Variants in TLE3 observed in about 807,000 individuals in gnomAD.
The protein encoded by TLE3 is TLE family member 3, transcriptional corepressor.
A neutral mutation model predicts 93.0 loss-of-function variants in TLE3; 14 were observed. The ratio of observed to expected loss-of-function variants is 0.15; its 90% CI spans 0.10 to 0.24. TLE3 has a LOEUF of 0.24. TLE3 is among the 10% of genes least tolerant of loss of function. The pLI, the probability that TLE3 is intolerant of heterozygous loss-of-function variation, is 1.00. For missense variants in TLE3, 693 were observed against 1,046.6 expected, an observed-to-expected ratio of 0.66 and a Z score of 4.66; for synonymous variants, 451 against 425.0, an observed-to-expected ratio of 1.06 and a Z score of -0.75.
chr15:70,064,309 AC>A (rs1345156724), intron 8 of TLE3, 144 bp downstream of exon 8: 5 of 941,204 alleles, frequency 5.3e-6, no homozygotes, highest in Non-Finnish European at 8.1e-6. Flanking sequence ...ATCCCTAGTT[AC>A]AACCCACAGA....
intron 8 of TLE3, 102 bp from the exon 9 acceptor site, chr15:70,060,751 G>A (rs745568362): frequency 2.6e-6 from 4 of 1,556,944 alleles, no homozygotes; most frequent in South Asian, 1.1e-5. Flanking sequence ...GTCAGGGGAG[G>A]GAAGAGAAGC....
chr15:70,054,542 G>A lies in TLE3; in HGVS notation c.1722C>T (p.Pro574=), dbSNP rs371689929. The change falls in exon 16 of 20, where the codon CCC becomes CCT. Residue 574 remains proline, a synonymous_variant. Coordinates refer to ENST00000451782, the MANE Select transcript of TLE3 (RefSeq NM_001105192.3). Reference sequence around the variant, plus strand: ...GGCTAATGGCCAGGGCATAACAGGCGGGAGCCGAGGACGTCAGCTCGGCCT... The same window carrying A: ...GGCTAATGGCCAGGGCATAACAGGCAGGAGCCGAGGACGTCAGCTCGGCCT... The part of the protein sequence containing the change: ...RIKAELTSSA[P]ACYALAISPD... The A allele has an allele frequency of 3.1e-4, 508 of 1,614,046 alleles. No homozygotes were observed. The highest frequency in any genetic ancestry group is 4.9e-4 in the Middle Eastern group (3 of 6,062).
At chr15:70,073,985 TC>T (rs945229261) in intron 6 of TLE3, among the ~76,000 whole-genome samples, 1 of 152,200 alleles carries the variant, frequency 6.6e-6, no homozygotes, top group African/African-American at 2.4e-5. Flanking sequence ...CAGTCTCAGC[TC>T]CCCAGCTGGA....
At chr15:70,060,827 C>T in intron 8 of TLE3, 178 bp from the exon 9 acceptor site, 2 of 1,025,922 alleles carry the variant, frequency 1.9e-6, no homozygotes, top group East Asian at 3.0e-5. Flanking sequence ...CTTCCCCACT[C>T]CCCTGAGACT....
At chr15:70,073,859 A>G (rs1029687926) in intron 6 of TLE3, among the ~76,000 whole-genome samples, 1 of 152,262 alleles carries the variant, frequency 6.6e-6, no homozygotes, top group African/African-American at 2.4e-5. Context: ...CAAGCCAGGT[A>G]GACCCAGCTT....
Position 70,058,649 on chromosome 15 carries a change from C to T in TLE3, c.918+14G>A. ...CGCTCCCTTCCCACTCCCTTCCACCCAGACCCCACATACATGACCAAGGTC... is the reference window on the plus strand; with the variant it reads ...CGCTCCCTTCCCACTCCCTTCCACCTAGACCCCACATACATGACCAAGGTC... On this transcript the variant is annotated intron_variant, in intron 11 of 19. Coordinates refer to ENST00000451782, the MANE Select transcript of TLE3 (RefSeq NM_001105192.3). The surrounding 1 kb of genome is among the most constrained non-coding windows in gnomAD (Gnocchi z 4.1). 5 of 1,578,714 alleles carry T rather than the reference C, an allele frequency of 3.2e-6. No individual in the cohort carries two copies. The highest frequency in any genetic ancestry group is 3.4e-6 in the Non-Finnish European group (4 of 1,161,462).
Position 70,058,974 on chromosome 15 carries a change from T to A in TLE3, c.766-159A>T, listed in dbSNP as rs1395015713. ...GTGAGGAAAAACTAGCTCTTAACCA[T>A]CTGGTCTGACTGAGGCCTAGGGAGG... is the stretch of plus-strand genomic sequence containing the variant. On this transcript the variant is annotated intron_variant, in intron 10 of 19. Coordinates refer to ENST00000451782, the MANE Select transcript of TLE3 (RefSeq NM_001105192.3). The surrounding 1 kb of genome is among the most constrained non-coding windows in gnomAD (Gnocchi z 4.1). Among the ~76,000 whole-genome samples the A allele has an allele frequency of 1.3e-5, 2 of 152,100 alleles. No individual in the cohort carries two copies. The highest frequency in any genetic ancestry group is 2.4e-5 in the African/African-American group (1 of 41,404).
chr15:70,064,601 A>T, intron 7 of TLE3, 131 bp from the exon 8 acceptor site: 1 of 1,254,114 alleles, frequency 8.0e-7, no homozygotes, highest in Non-Finnish European at 1.1e-6. Context: ...TTTTAAAATG[A>T]GCAGAAGGCC....
intron 5 of TLE3, 21 bp from the exon 6 acceptor site, chr15:70,074,628 G>A (rs370419018): frequency 4.1e-5 from 65 of 1,594,160 alleles, no homozygotes; most frequent in African/African-American, 2.1e-4. Flanking sequence ...GAGGGTGTGC[G>A]TTAGATGCAG....
chr15:70,079,425 A>ACCAGG (rs1489831340), intron 4 of TLE3: 3 of 439,174 alleles, frequency 6.8e-6, no homozygotes, highest in South Asian at 3.3e-5. Flanking sequence ...GTTCACCGTA[A>ACCAGG]AAGTTCTCCC....
In TLE3 at chr15:70,055,163, G is replaced by C. The variant is rs747498036; in HGVS notation, c.1464C>G (p.Ala488=). ...GCCTCGTGGGGTTGCTGATGGTCAC[G>C]GCACACACCACCTCCCCGTGGCTGA... ...NTLSHGEVVC[A]VTISNPTRHV... The change falls in exon 15 of 20, where the codon GCC becomes GCG. Residue 488 remains alanine (A), a synonymous_variant. Coordinates refer to ENST00000451782, the MANE Select transcript of TLE3 (RefSeq NM_001105192.3). 2.4e-5 allele frequency: 39 copies of C among 1,614,172 alleles called. No homozygotes were observed. Among genetic ancestry groups the C allele is most frequent in the Non-Finnish European group, 3.3e-5 (39 of 1,180,016 alleles).
chr15:70,057,500 C>A lies in TLE3; in HGVS notation c.1210G>T (p.Ala404Ser), dbSNP rs757805400. ...PQMSAAAAAA[A>S]AAYGRSPMVS... ...ATTGGCGATCGGCCATAGGCAGCGG[C>A]TGCAGCAGCGGCGGCGGCGCTCATC... Residue 404 changes from alanine to serine, a missense_variant, in exon 13 of 20, where the codon GCC (alanine) becomes TCC (serine). By Grantham distance (99) the Ala-to-Ser change is moderately conservative. Around this residue, in one of 4 missense-constraint regions of TLE3, gnomAD observed 405 missense variants for 468.9 expected, o/e 0.86. Transcript: ENST00000451782. 8.7e-6 allele frequency: 14 copies of A among 1,608,976 alleles called. No homozygotes were observed. The East Asian group carries it at 2.9e-4, about 33-fold the overall frequency.
intron 12 of TLE3, 62 bp from the exon 13 acceptor site, chr15:70,057,720 C>T: frequency 1.3e-6 from 2 of 1,525,192 alleles, no homozygotes; most frequent in Admixed American, 2.0e-5. Context: ...CCATGGCCGC[C>T]TCACCCAGCA....
chr15:70,089,140 C>CGGCT (rs2058182319), intron 4 of TLE3, among the ~76,000 whole-genome samples: 1 of 152,226 alleles, frequency 6.6e-6, no homozygotes, highest in Non-Finnish European at 1.5e-5. Context: ...GGAGGGGCCT[C>CGGCT]GGCTGCCGAC....
intron 19 of TLE3, chr15:70,050,792 G>A (rs1289224564): frequency 6.3e-6 from 1 of 158,198 alleles, no homozygotes; most frequent in Admixed American, 6.0e-5. Context: ...GAAAGTGTGT[G>A]GGGGAGACCA....
intron 16 of TLE3, 101 bp from the exon 17 acceptor site, chr15:70,053,475 C>T (rs761455804): frequency 1.1e-5 from 15 of 1,377,998 alleles, no homozygotes; most frequent in Non-Finnish European, 1.5e-5. Context: ...AAACTGAGGC[C>T]CAGAAGAGTG....
At position 70,052,383 on chromosome 15, in the gene TLE3, C is replaced by T. The variant is rs370776098; in HGVS notation, c.2116G>A (p.Ala706Thr). Residue 706 changes from alanine (A) to threonine (T), a missense_variant, in exon 18 of 20, where the codon GCC becomes ACC. Ala to Thr is a moderately conservative substitution (Grantham distance 58). Coordinates refer to ENST00000451782, the MANE Select transcript of TLE3 (RefSeq NM_001105192.3). ...HESCVLSLKF[A>T]YCGKWFVSTG... ...CCCATCCAAGGCTCACCGCAGTAGG[C>T]GAACTTGAGGGAGAGCACGCAGCTC... The T allele has an allele frequency of 6.8e-6, 11 of 1,613,316 alleles. No individual in the cohort carries two copies. Among genetic ancestry groups the T allele is most frequent in the South Asian group, 2.2e-5 (2 of 91,062 alleles).
rs567126024 is a variant in TLE3 at position 70,078,228 on chromosome 15, G to C, written c.235-2070C>G. Reference sequence around the variant, plus strand: ...TATTTTTTCCTCGCCTAAATCAACTGATAGTAGGAATGGGGAATGAAGCAA... The same window carrying C: ...TATTTTTTCCTCGCCTAAATCAACTCATAGTAGGAATGGGGAATGAAGCAA... On this transcript the variant is annotated intron_variant, in intron 4 of 19. Transcript: ENST00000451782. 2.6e-5 allele frequency among the ~76,000 whole-genome samples: 4 copies of C among 152,274 alleles called. No individual in the cohort carries two copies. In the South Asian group the frequency reaches 6.2e-4, roughly 24 times the overall value.
intron 8 of TLE3, among the ~76,000 whole-genome samples, chr15:70,063,357 G>T (rs976975405): frequency 6.6e-6 from 1 of 152,204 alleles, no homozygotes; most frequent in Non-Finnish European, 1.5e-5. Flanking sequence ...CAGCTTCAAT[G>T]ACTCCTCTCT....
Sources: allele counts gnomAD v4.1 joint callset (sites outside exome capture counted in the v4.1 genomes callset), GRCh38; gene constraint gnomAD v4.1.1; regional missense constraint gnomAD v4.1.1; non-coding constraint Gnocchi (gnomAD v3.1); transcripts MANE v1.5; gene names NCBI Gene and HGNC (gene_info 2026-07-23, HGNC 2026-07-21).